Variants in C1QTNF3 observed in about 807,000 individuals in gnomAD.
C1QTNF3 encodes complement C1q tumor necrosis factor-related protein 3.
Under a neutral mutation model 32.6 loss-of-function variants are expected in C1QTNF3, and 26 were observed. The ratio of observed to expected loss-of-function variants is 0.80; its 90% CI spans 0.58 to 1.11. The LOEUF is 1.11. Ranked by LOEUF, C1QTNF3 falls within the 50% of genes least tolerant of loss-of-function variation. The pLI is 0.00. For synonymous variants in C1QTNF3, 155 were observed against 146.0 expected, an observed-to-expected ratio of 1.06 and a Z score of -0.44; for missense variants, 362 against 398.2, an observed-to-expected ratio of 0.91 and a Z score of 0.77.
chr5:34,092,331 C>G, the C1QTNF3 span, among the ~76,000 whole-genome samples: 1 of 151,666 alleles, frequency 6.6e-6, no homozygotes, highest in Admixed American at 6.6e-5. Flanking sequence ...AAAATGGATG[C>G]TACTCAAATT....
the C1QTNF3 span, among the ~76,000 whole-genome samples, chr5:34,126,201 C>A: frequency 0.013 from 2,012 of 152,186 alleles, 24 homozygotes; most frequent in South Asian, 0.031. Context: ...TATAAATTAT[C>A]CACATGAAGT....
the C1QTNF3 span, among the ~76,000 whole-genome samples, chr5:34,154,679 G>C: frequency 6.6e-6 from 1 of 152,084 alleles, no homozygotes; most frequent in South Asian, 2.1e-4. Flanking sequence ...TTCTCATCTA[G>C]ATCAGCGTTT....
At chr5:34,090,017 T>C in the C1QTNF3 span, among the ~76,000 whole-genome samples, 1 of 152,228 alleles carries the variant, frequency 6.6e-6, no homozygotes, top group South Asian at 2.1e-4. Flanking sequence ...TTTCCTTATG[T>C]GGTAGCATTA....
the C1QTNF3 span, among the ~76,000 whole-genome samples, chr5:34,179,933 G>A: frequency 6.6e-6 from 1 of 152,392 alleles, no homozygotes; most frequent in East Asian, 1.9e-4. Context: ...ACAGAAAAAC[G>A]GTGCAAGTGC....
the C1QTNF3 span, among the ~76,000 whole-genome samples, chr5:34,081,866 T>C: frequency 6.6e-6 from 1 of 151,728 alleles, no homozygotes; most frequent in South Asian, 2.1e-4. Context: ...AAACATATCA[T>C]AGTATTTTTG....
chr5:34,197,014 G>T, the C1QTNF3 span, among the ~76,000 whole-genome samples: 1 of 152,310 alleles, frequency 6.6e-6, no homozygotes, highest in African/African-American at 2.4e-5. Flanking sequence ...CTAATGTATT[G>T]AACACTACAG....
chr5:34,076,085 A>G, the C1QTNF3 span, among the ~76,000 whole-genome samples: 3 of 151,686 alleles, frequency 2.0e-5, no homozygotes, highest in Non-Finnish European at 2.9e-5. Flanking sequence ...TCATACAGAC[A>G]GAAAGTAGAA....
chr5:34,198,011 A>G, the C1QTNF3 span, among the ~76,000 whole-genome samples: 2 of 146,640 alleles, frequency 1.4e-5, no homozygotes, highest in African/African-American at 2.6e-5. Context: ...TGAGGCAGGC[A>G]GATCACGAGG....
chr5:34,129,122 A>T, the C1QTNF3 span, among the ~76,000 whole-genome samples: 1 of 150,944 alleles, frequency 6.6e-6, no homozygotes, highest in Non-Finnish European at 1.5e-5. Flanking sequence ...CCCCCTTCAC[A>T]CTCTTTCTCT....
At chr5:34,136,296 T>C in the C1QTNF3 span, among the ~76,000 whole-genome samples, 32 of 152,288 alleles carry the variant, frequency 2.1e-4, no homozygotes, top group South Asian at 6.7e-3. Flanking sequence ...CACAAACCAA[T>C]TTACAAGAAA....
the C1QTNF3 span, among the ~76,000 whole-genome samples, chr5:34,048,936 C>T: frequency 2.6e-5 from 4 of 152,204 alleles, no homozygotes; most frequent in African/African-American, 9.7e-5. Context: ...AAACACATCA[C>T]CCAGGTTGGT....
At chr5:34,220,952 G>A in the C1QTNF3 span, among the ~76,000 whole-genome samples, 1 of 152,084 alleles carries the variant, frequency 6.6e-6, no homozygotes, top group African/African-American at 2.4e-5. Flanking sequence ...GCTCCAGGAT[G>A]ACCTAACATT....
the C1QTNF3 span, among the ~76,000 whole-genome samples, chr5:34,226,452 C>T: frequency 1.3e-5 from 2 of 151,814 alleles, no homozygotes; most frequent in African/African-American, 2.4e-5. Flanking sequence ...CTACAAAATG[C>T]TTTTGTTACT....
At chr5:34,097,107 T>C in the C1QTNF3 span, among the ~76,000 whole-genome samples, 5 of 151,958 alleles carry the variant, frequency 3.3e-5, no homozygotes, top group African/African-American at 1.2e-4. Flanking sequence ...GTCAATCTCA[T>C]CTCCCAAAAA....
In C1QTNF3 at chr5:34,042,761, A is replaced by AAACAAC. The variant is rs57826552; in HGVS notation, c.303+56_303+61dup. 1.3e-4 allele frequency: 186 copies of AAACAAC among 1,462,300 alleles called. No homozygotes were observed. In the African/African-American group the frequency reaches 2.2e-3, roughly 17 times the overall value. 90.6% of individuals were successfully genotyped at this position (1,462,300 alleles called of 1,614,324 possible). A position where few individuals can be genotyped will look rare whatever the true frequency, so the allele number is the denominator to read the frequency against. ...CTTAGCCAAAAAAAGAACAACAACA[A>AAACAAC]AACAACAACAACAACACTCATTAAG... On this transcript the variant is annotated intron_variant, in intron 1 of 5. Transcript: ENST00000382065.
the C1QTNF3 span, among the ~76,000 whole-genome samples, chr5:34,084,986 C>CTTTTT: frequency 2.4e-4 from 17 of 69,934 alleles, no homozygotes; most frequent in South Asian, 1.3e-3. Context: ...ACGTTTAAGT[C>CTTTTT]TTTTTTTTTT....
chr5:34,176,856 CATGAATGAATGAATGA>C, the C1QTNF3 span, among the ~76,000 whole-genome samples: 1 of 148,114 alleles, frequency 6.8e-6, no homozygotes, highest in African/African-American at 2.5e-5. Flanking sequence ...GACCCTATCT[CATGAATGAATGAATGA>C]ATGAATGAAT....
chr5:34,034,835 GT>G (rs1754696890), intron 2 of C1QTNF3, among the ~76,000 whole-genome samples: 1 of 152,126 alleles, frequency 6.6e-6, no homozygotes, highest in Non-Finnish European at 1.5e-5. Context: ...GTAGTTTAAA[GT>G]TTAACATAAG....
intron 5 of C1QTNF3, 92 bp downstream of exon 5, chr5:34,023,817 C>T (rs1274811687): frequency 2.2e-6 from 2 of 905,332 alleles, no homozygotes; most frequent in Non-Finnish European, 3.5e-6. Context: ...ATGTCAGGCT[C>T]TATTGACTCC....
Sources: gnomAD v4.1 joint callset for allele counts (sites outside exome capture counted in the v4.1 genomes callset) on GRCh38, gnomAD v4.1.1 for gene constraint, MANE v1.5 for transcripts, NCBI Gene and HGNC (gene_info 2026-07-23, HGNC 2026-07-21) for gene names.